The following XKR4 variants were observed in gnomAD, a reference collection of about 807,000 sequenced individuals.
The protein encoded by XKR4 is XK related 4.
A neutral mutation model predicts 53.9 loss-of-function variants in XKR4; 12 were observed. That is an observed-to-expected ratio of 0.22 (90% CI 0.14 to 0.36). XKR4 has a LOEUF of 0.36. Among genes scored for constraint, XKR4 ranks in the 10% least tolerant of loss-of-function variants. The pLI is 1.00. For missense variants in XKR4, 799 were observed against 859.5 expected, an observed-to-expected ratio of 0.93 and a Z score of 0.88; for synonymous variants, 354 against 362.4, an observed-to-expected ratio of 0.98 and a Z score of 0.26.
intron 1 of XKR4, among the ~76,000 whole-genome samples, chr8:55,349,637 G>T (rs991810203): frequency 3.3e-5 from 5 of 152,110 alleles, no homozygotes; most frequent in Admixed American, 3.3e-4. Context: ...TGACGTTCAG[G>T]CAAATCACAG....
intron 1 of XKR4, among the ~76,000 whole-genome samples, chr8:55,152,738 G>A (rs999963009): frequency 6.6e-6 from 1 of 152,142 alleles, no homozygotes. Flanking sequence ...GATTTGTTTT[G>A]CTCTAATACA....
chr8:55,190,092 T>G (rs1321978032), intron 1 of XKR4, among the ~76,000 whole-genome samples: 1 of 152,230 alleles, frequency 6.6e-6, no homozygotes, highest in Admixed American at 6.5e-5. Context: ...CGTGTGTGTT[T>G]AAACCATTTT....
At chr8:55,110,221 T>C (rs1316078508) in intron 1 of XKR4, among the ~76,000 whole-genome samples, 1 of 152,208 alleles carries the variant, frequency 6.6e-6, no homozygotes, top group Admixed American at 6.5e-5. Context: ...GGGAAAATTA[T>C]ATTTAATAAT....
chr8:55,348,453 T>A (rs1340997209), intron 1 of XKR4, among the ~76,000 whole-genome samples: 1 of 152,186 alleles, frequency 6.6e-6, no homozygotes, highest in African/African-American at 2.4e-5. Flanking sequence ...ATTTTCTAGA[T>A]ACAATCAGCA....
chr8:55,296,669 C>T (rs972986798), intron 1 of XKR4, among the ~76,000 whole-genome samples: 1 of 151,976 alleles, frequency 6.6e-6, no homozygotes, highest in Non-Finnish European at 1.5e-5. Flanking sequence ...TAGTTGAGCT[C>T]CTGTTGAGAT....
chr8:55,441,234 T>C (rs1214976570), intron 2 of XKR4, among the ~76,000 whole-genome samples: 1 of 149,372 alleles, frequency 6.7e-6, no homozygotes, highest in East Asian at 2.2e-4. Flanking sequence ...GGTAAGACCC[T>C]GTCTCAAGAA....
intron 1 of XKR4, among the ~76,000 whole-genome samples, chr8:55,188,907 G>A (rs1469941438): frequency 1.3e-5 from 2 of 152,212 alleles, no homozygotes; most frequent in Admixed American, 6.5e-5. Flanking sequence ...CATAACAAGT[G>A]TTCAGTTAAA....
chr8:55,182,941 C>T (rs562711817), intron 1 of XKR4, among the ~76,000 whole-genome samples: 5 of 152,044 alleles, frequency 3.3e-5, no homozygotes, highest in South Asian at 2.1e-4. Flanking sequence ...TGGTATCTCT[C>T]TCCATTTATT....
chr8:55,138,077 G>T (rs887035031), intron 1 of XKR4, among the ~76,000 whole-genome samples: 1 of 152,168 alleles, frequency 6.6e-6, no homozygotes, highest in African/African-American at 2.4e-5. Flanking sequence ...CTTGAAGCCC[G>T]CCATGACTTT....
intron 2 of XKR4, among the ~76,000 whole-genome samples, chr8:55,416,652 G>C (rs1374508458): frequency 6.6e-6 from 1 of 152,222 alleles, no homozygotes; most frequent in Non-Finnish European, 1.5e-5. Flanking sequence ...GGGGTGAAAA[G>C]AAGAGGACGA....
chr8:55,442,971 T>A (rs1461270070), intron 2 of XKR4, among the ~76,000 whole-genome samples: 1 of 152,264 alleles, frequency 6.6e-6, no homozygotes. Flanking sequence ...AAAAGGGCAA[T>A]GGAAAGCCTA....
intron 1 of XKR4, among the ~76,000 whole-genome samples, chr8:55,169,971 T>C (rs765546288): frequency 7.9e-5 from 12 of 152,224 alleles, no homozygotes; most frequent in Non-Finnish European, 1.6e-4. Flanking sequence ...TCTGCCATTT[T>C]ATAATGTTGC....
intron 1 of XKR4, among the ~76,000 whole-genome samples, chr8:55,318,007 A>G (rs1430794786): frequency 6.6e-6 from 1 of 152,244 alleles, no homozygotes; most frequent in Non-Finnish European, 1.5e-5. Flanking sequence ...ATTCACAGGA[A>G]CCAAGTAATA....
At chr8:55,321,183 C>T (rs1586009601) in intron 1 of XKR4, among the ~76,000 whole-genome samples, 1 of 152,090 alleles carries the variant, frequency 6.6e-6, no homozygotes, top group Non-Finnish European at 1.5e-5. Flanking sequence ...CTGACTATCC[C>T]TCTTCTATTT....
At chr8:55,166,031 T>C (rs1585915331) in intron 1 of XKR4, among the ~76,000 whole-genome samples, 1 of 152,260 alleles carries the variant, frequency 6.6e-6, no homozygotes, top group African/African-American at 2.4e-5. Context: ...TTGGCATTAC[T>C]CTGAACAAGC....
chr8:55,170,382 A>G (rs1817141608), intron 1 of XKR4, among the ~76,000 whole-genome samples: 1 of 152,126 alleles, frequency 6.6e-6, no homozygotes, highest in African/African-American at 2.4e-5. Flanking sequence ...GGGAGGCAGG[A>G]ATGGGGAGTC....
intron 2 of XKR4, among the ~76,000 whole-genome samples, chr8:55,358,709 A>G (rs1803855657): frequency 6.6e-6 from 1 of 152,260 alleles, no homozygotes; most frequent in Admixed American, 6.5e-5. Flanking sequence ...TCAATCCTGT[A>G]ACTAAATAGA....
intron 1 of XKR4, among the ~76,000 whole-genome samples, chr8:55,193,895 G>A (rs1026571595): frequency 6.6e-6 from 1 of 152,196 alleles, no homozygotes; most frequent in African/African-American, 2.4e-5. Flanking sequence ...AGGCCACTCT[G>A]CCCTCCTGCC....
At chr8:55,399,781 G>A (rs1431517750) in intron 2 of XKR4, among the ~76,000 whole-genome samples, 3 of 152,230 alleles carry the variant, frequency 2.0e-5, no homozygotes, top group Non-Finnish European at 4.4e-5. Flanking sequence ...TGGGCAAGGC[G>A]AGTTAACCTA....
Sources: allele counts gnomAD v4.1 joint callset (sites outside exome capture counted in the v4.1 genomes callset), GRCh38; gene constraint gnomAD v4.1.1; transcripts MANE v1.5; gene names NCBI Gene and HGNC (gene_info 2026-07-23, HGNC 2026-07-21).